The following TAFA1 variants were observed in gnomAD, a reference collection of about 807,000 sequenced individuals.
TAFA1 encodes the protein TAFA chemokine like family member 1.
Under a neutral mutation model 18.5 loss-of-function variants are expected in TAFA1, and 4 were observed. The ratio of observed to expected loss-of-function variants is 0.22; its 90% CI spans 0.11 to 0.49. TAFA1 has a LOEUF of 0.49. Among genes scored for constraint, TAFA1 ranks in the 20% least tolerant of loss-of-function variants. The probability of loss-of-function intolerance (pLI) is 0.98; values close to 1 mark genes in which losing one functional copy is unlikely to be tolerated. For synonymous variants in TAFA1, 56 were observed against 55.2 expected, an observed-to-expected ratio of 1.01 and a Z score of -0.06; for missense variants, 147 against 169.0, an observed-to-expected ratio of 0.87 and a Z score of 0.72.
At chr3:68,475,450 G>A (rs1224174643) in intron 3 of TAFA1, among the ~76,000 whole-genome samples, 1 of 151,920 alleles carries the variant, frequency 6.6e-6, no homozygotes, top group Non-Finnish European at 1.5e-5. Flanking sequence ...GAGAATGATG[G>A]TTTCCAGCTT....
At chr3:68,166,111 A>T (rs549468731) in intron 2 of TAFA1, among the ~76,000 whole-genome samples, 12 of 83,404 alleles carry the variant, frequency 1.4e-4, no homozygotes, top group African/African-American at 3.9e-4. Context: ...AGAGCATAGC[A>T]CATTGCCAAT....
chr3:68,313,521 C>T (rs1006125130), intron 2 of TAFA1, among the ~76,000 whole-genome samples: 4 of 152,172 alleles, frequency 2.6e-5, no homozygotes, highest in African/African-American at 7.2e-5. Context: ...GCATCATCTA[C>T]CCCCGCAAAG....
intron 2 of TAFA1, among the ~76,000 whole-genome samples, chr3:68,374,561 T>A (rs1271298732): frequency 6.6e-6 from 1 of 152,202 alleles, no homozygotes; most frequent in Non-Finnish European, 1.5e-5. Context: ...GACAATAAAT[T>A]GGCTCTTTGA....
chr3:68,375,951 G>C (rs568505913), intron 2 of TAFA1, among the ~76,000 whole-genome samples: 1 of 152,154 alleles, frequency 6.6e-6, no homozygotes, highest in Non-Finnish European at 1.5e-5. Context: ...TAAAGCCTTC[G>C]AAAGGCACAG....
rs149971437 is a variant in TAFA1, at chr3:68,256,995, T to C, written c.119-160285T>C. 1.2e-3 allele frequency among the ~76,000 whole-genome samples: 179 copies of C among 152,254 alleles called. 1 individual carries two copies. Among genetic ancestry groups the C allele is most frequent in the Non-Finnish European group, 2.1e-3 (144 of 68,002 alleles). On this transcript the variant is annotated intron_variant, in intron 2 of 4. Transcript: ENST00000478136. The stretch of plus-strand genomic sequence containing the variant: ...TTGGCATCACTCATTAGTTGGACTT[T>C]GGATAAACAGAAAGCATCAAGCTCT...
At chr3:68,011,072 G>A (rs544090013) in intron 2 of TAFA1, among the ~76,000 whole-genome samples, 1 of 121,374 alleles carries the variant, frequency 8.2e-6, no homozygotes, top group South Asian at 2.8e-4. Context: ...TCCCCTTATG[G>A]ATATATGAAT....
intron 3 of TAFA1, 102 bp downstream of exon 3, chr3:68,417,522 G>A: frequency 8.9e-7 from 1 of 1,124,968 alleles, no homozygotes; most frequent in Non-Finnish European, 1.3e-6. Flanking sequence ...TGAACAAGGT[G>A]CATCCGAAGT....
At chr3:68,305,453 A>G (rs2068398239) in intron 2 of TAFA1, among the ~76,000 whole-genome samples, 1 of 112,514 alleles carries the variant, frequency 8.9e-6, no homozygotes, top group South Asian at 2.8e-4. Context: ...ATATATATAT[A>G]TATAGGTAGA....
At chr3:68,494,092 C>A (rs2072500931) in intron 3 of TAFA1, among the ~76,000 whole-genome samples, 1 of 152,084 alleles carries the variant, frequency 6.6e-6, no homozygotes. Flanking sequence ...TAACACCACA[C>A]CTGAAGTTTA....
At chr3:68,011,221 A>T (rs1275976366) in intron 2 of TAFA1, among the ~76,000 whole-genome samples, 1 of 152,140 alleles carries the variant, frequency 6.6e-6, no homozygotes, top group Non-Finnish European at 1.5e-5. Context: ...GGGATTCTTC[A>T]GTAATTTTAA....
intron 2 of TAFA1, among the ~76,000 whole-genome samples, chr3:68,272,785 G>C (rs920553972): frequency 3.9e-5 from 6 of 152,116 alleles, no homozygotes; most frequent in African/African-American, 1.2e-4. Context: ...TAACCTTAAA[G>C]TCAGGCCAAG....
intron 2 of TAFA1, among the ~76,000 whole-genome samples, chr3:68,391,108 C>A (rs184716401): frequency 1.3e-5 from 2 of 152,066 alleles, no homozygotes; most frequent in Non-Finnish European, 2.9e-5. Flanking sequence ...AAGCTAAGAA[C>A]CTTGATAAAA....
Position 68,180,580 on chromosome 3 carries a change from C to G in TAFA1, c.118+173836C>G, listed in dbSNP as rs375562077. Among the ~76,000 whole-genome samples the G allele has an allele frequency of 2.6e-5, 4 of 152,182 alleles. 1 individual carries two copies. In the South Asian group the frequency reaches 8.3e-4, roughly 31 times the overall value. The stretch of plus-strand genomic sequence containing the variant: ...GAAAAATGAGCCAGTTGACAAAAGT[C>G]AGTAGGAGGTGAGTAGTGTCTGCCC... On this transcript the variant is annotated intron_variant, in intron 2 of 4. Transcript: ENST00000478136.
intron 2 of TAFA1, among the ~76,000 whole-genome samples, chr3:68,287,347 C>T (rs1374333493): frequency 6.6e-6 from 1 of 152,186 alleles, no homozygotes; most frequent in Non-Finnish European, 1.5e-5. Flanking sequence ...CCTAGTCCAG[C>T]CGCTTTGTTT....
upstream of TAFA1, among the ~76,000 whole-genome samples, chr3:67,999,753 TA>T (rs2106758612): frequency 2.0e-5 from 3 of 152,018 alleles, no homozygotes; most frequent in African/African-American, 7.2e-5. Context: ...GTCATTGCAA[TA>T]GGCTAACACA....
At chr3:68,332,442 C>T (rs1415227286) in intron 2 of TAFA1, among the ~76,000 whole-genome samples, 2 of 152,012 alleles carry the variant, frequency 1.3e-5, no homozygotes, top group South Asian at 4.1e-4. Flanking sequence ...AGTTATTGCA[C>T]AGCAAAGAAA....
chr3:68,129,345 A>G (rs1575633800), intron 2 of TAFA1, among the ~76,000 whole-genome samples: 1 of 152,206 alleles, frequency 6.6e-6, no homozygotes, highest in East Asian at 1.9e-4. Flanking sequence ...ATTTAAAAAG[A>G]GCTGTATTGT....
intron 2 of TAFA1, among the ~76,000 whole-genome samples, chr3:68,092,978 T>G (rs1334639620): frequency 6.6e-6 from 1 of 152,326 alleles, no homozygotes; most frequent in East Asian, 1.9e-4. Context: ...AAACAGTCTC[T>G]TTCAGGTTAG....
At chr3:68,250,337 G>C (rs1356600721) in intron 2 of TAFA1, among the ~76,000 whole-genome samples, 2 of 152,184 alleles carry the variant, frequency 1.3e-5, no homozygotes, top group African/African-American at 2.4e-5. Context: ...TATAGCGTAA[G>C]ATTATAGAAT....
Sources: allele counts gnomAD v4.1 joint callset (sites outside exome capture counted in the v4.1 genomes callset), GRCh38; gene constraint gnomAD v4.1.1; transcripts MANE v1.5; gene names NCBI Gene and HGNC (gene_info 2026-07-23, HGNC 2026-07-21).